Variants in SLC4A4 observed in about 807,000 individuals in gnomAD.
SLC4A4 encodes electrogenic sodium bicarbonate cotransporter 1.
Under a neutral mutation model 111.5 loss-of-function variants are expected in SLC4A4, and 27 were observed. The observed-to-expected ratio is 0.24, with a 90% CI of 0.18 to 0.33. The LOEUF (loss-of-function observed/expected upper bound fraction) is 0.33. SLC4A4 is among the 10% of genes least tolerant of loss of function. The pLI, the probability that SLC4A4 is intolerant of heterozygous loss-of-function variation, is 1.00. For synonymous variants in SLC4A4, 443 were observed against 463.4 expected, an observed-to-expected ratio of 0.96 and a Z score of 0.57; for missense variants, 909 against 1,315.5, an observed-to-expected ratio of 0.69 and a Z score of 4.78.
At chr4:71,309,850 G>A (rs1043733011) in intron 3 of SLC4A4, among the ~76,000 whole-genome samples, 2 of 152,056 alleles carry the variant, frequency 1.3e-5, no homozygotes, top group Admixed American at 1.3e-4. Context: ...ATTGACAGAA[G>A]TAGGCTTCAG....
At chr4:71,505,962 G>A (rs1039451696) in intron 16 of SLC4A4, among the ~76,000 whole-genome samples, 1 of 152,076 alleles carries the variant, frequency 6.6e-6, no homozygotes, top group African/African-American at 2.4e-5. Context: ...TTTCACCATT[G>A]TTTGTTTTTG....
chr4:71,481,502 C>G (rs1173458338), intron 14 of SLC4A4, among the ~76,000 whole-genome samples: 1 of 151,602 alleles, frequency 6.6e-6, no homozygotes, highest in Non-Finnish European at 1.5e-5. Flanking sequence ...CCTTTTTTCT[C>G]TCACAGCTCC....
intron 12 of SLC4A4, among the ~76,000 whole-genome samples, chr4:71,456,352 A>T (rs1022385939): frequency 6.6e-6 from 1 of 152,200 alleles, no homozygotes; most frequent in African/African-American, 2.4e-5. Context: ...ATAGAAAATT[A>T]ATGACTATGA....
intron 18 of SLC4A4, among the ~76,000 whole-genome samples, chr4:71,537,635 C>T (rs1033002961): frequency 6.6e-5 from 10 of 151,722 alleles, no homozygotes; most frequent in African/African-American, 2.4e-4. Flanking sequence ...TTTCTTTTCC[C>T]TTCTTTTGGC....
intron 15 of SLC4A4, among the ~76,000 whole-genome samples, chr4:71,487,692 A>G (rs886170127): frequency 2.0e-5 from 3 of 151,644 alleles, no homozygotes; most frequent in Non-Finnish European, 4.4e-5. Flanking sequence ...TCTTTCAGTT[A>G]TAAAGACAGA....
chr4:71,547,652 C>G lies in SLC4A4; in HGVS notation c.2626C>G (p.Gln876Glu). Residue 876 changes from glutamine to glutamate, a missense_variant, in exon 20 of 26, where the codon CAA (glutamine) becomes GAA (glutamate). Physicochemically the swap from Gln to Glu is conservative, Grantham distance 29. Coordinates refer to ENST00000264485, the MANE Select transcript of SLC4A4 (RefSeq NM_001098484.3). ...AATCTTTTGATTTGGTTTCAGGGAA[C>G]AAAGAGTCACTGGAACCCTTGTGTT... ...EQPKFLGVRE[Q>E]RVTGTLVFIL... 1 of 1,611,284 alleles carries G rather than the reference C, an allele frequency of 6.2e-7. No individual in the cohort carries two copies. Among genetic ancestry groups the G allele is most frequent in the Non-Finnish European group, 8.5e-7 (1 of 1,177,988 alleles).
intron 2 of SLC4A4, among the ~76,000 whole-genome samples, chr4:71,164,071 C>A (rs1172877858): frequency 1.3e-5 from 2 of 151,916 alleles, no homozygotes; most frequent in African/African-American, 2.4e-5. Context: ...CATGGCAAAA[C>A]CCCGACTCTA....
chr4:71,339,144 G>A, intron 3 of SLC4A4: 1 of 1,612,298 alleles, frequency 6.2e-7, no homozygotes, highest in Admixed American at 1.7e-5. Context: ...TGTCCTTCTG[G>A]AGAGTGGTGG....
At chr4:71,426,940 G>A (rs1051387288) in intron 7 of SLC4A4, among the ~76,000 whole-genome samples, 1 of 151,998 alleles carries the variant, frequency 6.6e-6, no homozygotes, top group African/African-American at 2.4e-5. Flanking sequence ...TCCCCACCAA[G>A]GGAGTGCTAC....
Position 71,323,403 on chromosome 4 carries a change from A to AT in SLC4A4, c.254-15960dup, listed in dbSNP as rs1220144862. Among the ~76,000 whole-genome samples, 4 of 152,094 alleles carry AT rather than the reference A, an allele frequency of 2.6e-5. No individual in the cohort carries two copies. In the East Asian group the frequency reaches 5.8e-4, roughly 22 times the overall value. On this transcript the variant is annotated intron_variant, in intron 3 of 25. Coordinates refer to ENST00000264485, the MANE Select transcript of SLC4A4 (RefSeq NM_001098484.3). ...TGGAATAAACAAACAACAAGAAAGA[A>AT]TTTTTTTATTCACTAAAGGAAGGAT... is the stretch of plus-strand genomic sequence containing the variant.
In SLC4A4 at chr4:71,567,776, C is replaced by G; in HGVS notation, c.*37-12C>G. On this transcript the variant is annotated splice_polypyrimidine_tract_variant and intron_variant, in intron 25 of 25. Coordinates refer to ENST00000264485, the MANE Select transcript of SLC4A4 (RefSeq NM_001098484.3). ...GATTTACTTACTACTTTTTTTTTTC[C>G]TTTTTCTCTAGTCCTCCTAGAACTC... The G allele has an allele frequency of 3.7e-6, 5 of 1,347,892 alleles. No individual in the cohort carries two copies. Among genetic ancestry groups the G allele is most frequent in the Non-Finnish European group, 5.0e-6 (5 of 991,212 alleles). 83.5% of individuals were successfully genotyped at this position (1,347,892 alleles called of 1,614,324 possible).
At chr4:71,413,278 C>G (rs949246911) in intron 7 of SLC4A4, among the ~76,000 whole-genome samples, 3 of 152,156 alleles carry the variant, frequency 2.0e-5, no homozygotes, top group Non-Finnish European at 4.4e-5. Flanking sequence ...CCATATGTTC[C>G]CTTGTATATC....
chr4:71,431,434 T>C (rs1723637532), intron 7 of SLC4A4, among the ~76,000 whole-genome samples: 1 of 152,078 alleles, frequency 6.6e-6, no homozygotes, highest in African/African-American at 2.4e-5. Flanking sequence ...GGGGCAAGTG[T>C]GCCTGGTGTG....
intron 3 of SLC4A4, among the ~76,000 whole-genome samples, chr4:71,323,966 G>T (rs1727310903): frequency 6.6e-6 from 1 of 151,970 alleles, no homozygotes; most frequent in Admixed American, 6.6e-5. Flanking sequence ...TGATGATGGT[G>T]TCTGTGATGC....
chr4:71,449,957 C>T (rs1725605497), intron 9 of SLC4A4, among the ~76,000 whole-genome samples: 1 of 152,178 alleles, frequency 6.6e-6, no homozygotes, highest in African/African-American at 2.4e-5. Context: ...TGGGTCTTAA[C>T]CCGATCTTAA....
intron 3 of SLC4A4, among the ~76,000 whole-genome samples, chr4:71,317,936 A>AAT (rs1419780891): frequency 6.6e-6 from 1 of 152,076 alleles, no homozygotes. Context: ...AGCGCTATTT[A>AAT]TTAATAGATG....
intron 7 of SLC4A4, among the ~76,000 whole-genome samples, chr4:71,420,512 G>A (rs1349168155): frequency 6.6e-6 from 1 of 151,966 alleles, no homozygotes; most frequent in African/African-American, 2.4e-5. Context: ...CTCGAGAAGA[G>A]CAACTCCAAG....
intron 2 of SLC4A4, among the ~76,000 whole-genome samples, chr4:71,140,478 C>T (rs148993671): frequency 9.9e-5 from 15 of 152,242 alleles, no homozygotes; most frequent in East Asian, 3.9e-4. Flanking sequence ...ATATCTTCAA[C>T]GGTGACTCTT....
At chr4:71,332,823 T>C (rs1728127842) in intron 3 of SLC4A4, among the ~76,000 whole-genome samples, 1 of 152,246 alleles carries the variant, frequency 6.6e-6, no homozygotes, top group African/African-American at 2.4e-5. Context: ...CTTCGGTATG[T>C]CAGTTGAATT....
Sources: allele counts gnomAD v4.1 joint callset (sites outside exome capture counted in the v4.1 genomes callset), GRCh38; gene constraint gnomAD v4.1.1; transcripts MANE v1.5; gene names NCBI Gene and HGNC (gene_info 2026-07-23, HGNC 2026-07-21).